TGDS: variants seen among roughly 807,000 people sequenced by gnomAD.
TGDS encodes UDP-D-glucose 4,6-dehydratase.
A neutral mutation model predicts 52.3 loss-of-function variants in TGDS; 47 were observed. That is an observed-to-expected ratio of 0.90 (90% confidence interval 0.71 to 1.15). TGDS has a LOEUF of 1.15. Ranked by LOEUF, TGDS falls within the 50% of genes most tolerant of loss-of-function variation. The probability of loss-of-function intolerance (pLI) is 0.00; values close to 1 mark genes in which losing one functional copy is unlikely to be tolerated. For synonymous variants in TGDS, 115 were observed against 136.9 expected (o/e 0.84, Z 1.12); for missense variants, 375 against 418.4 (o/e 0.90, Z 0.90).
intron 11 of TGDS, 71 bp downstream of exon 11, chr13:94,576,243 G>C: frequency 1.9e-6 from 2 of 1,069,128 alleles, no homozygotes; most frequent in Non-Finnish European, 1.4e-6. Flanking sequence ...TTTGTATAAT[G>C]TTCTGGAAAT....
intron 4 of TGDS, among the ~76,000 whole-genome samples, chr13:94,584,064 T>C (rs1888894688): frequency 6.6e-6 from 1 of 152,192 alleles, no homozygotes; most frequent in Admixed American, 6.5e-5. Context: ...TTGAGGCTGT[T>C]AGGCAAAAGA....
chr13:94,596,096 C>G lies in TGDS; in HGVS notation c.41G>C (p.Gly14Ala). Residue 14 changes from glycine to alanine, a missense_variant, in exon 1 of 12, where the codon GGC becomes GCC. Transcript: ENST00000261296. Reference sequence around the variant, plus strand: ...CACCAGGACCCGCTTCGCAAAGCCGCCGGGAAGACCCCACGGTTCCTCCCA... The same window carrying G: ...CACCAGGACCCGCTTCGCAAAGCCGGCGGGAAGACCCCACGGTTCCTCCCA... ...ACWEEPWGLP[G>A]GFAKRVLVTG... 6.2e-7 allele frequency: 1 copy of G among 1,614,170 alleles called. No individual in the cohort carries two copies. Among genetic ancestry groups the G allele is most frequent in the Non-Finnish European group, 8.5e-7 (1 of 1,180,020 alleles).
At position 94,593,922 on chromosome 13, in the gene TGDS, T is replaced by C. The variant is rs769097301; in HGVS notation, c.87-15A>G. 6.6e-7 allele frequency: 1 copy of C among 1,508,334 alleles called. No individual in the cohort carries two copies. The highest frequency in any genetic ancestry group is 9.0e-7 in the Non-Finnish European group (1 of 1,110,994). The allele number at this position is 1,508,334 out of a possible 1,614,324, so 93.4% of individuals were successfully genotyped here. A position where few individuals can be genotyped will look rare whatever the true frequency, so the allele number is the denominator to read the frequency against. On this transcript the variant is annotated splice_polypyrimidine_tract_variant and intron_variant, in intron 1 of 11. Transcript: ENST00000261296. ...TATGTGATGCACTATGGAAAAAAAG[T>C]ATATCTTGTTAGTGAAAAACTTTAA...
At chr13:94,582,191 T>G (rs577081749) in intron 5 of TGDS, among the ~76,000 whole-genome samples, 3 of 136,256 alleles carry the variant, frequency 2.2e-5, no homozygotes, top group Non-Finnish European at 4.7e-5. Flanking sequence ...AGAGCGAAAC[T>G]CCCATCTCAA....
intron 2 of TGDS, among the ~76,000 whole-genome samples, chr13:94,592,602 G>T (rs919328594): frequency 6.6e-6 from 1 of 151,908 alleles, no homozygotes; most frequent in African/African-American, 2.4e-5. Context: ...ACAGGCACCC[G>T]CCACCATGGA....
At position 94,582,319 on chromosome 13, in the gene TGDS, A is replaced by C. The variant is rs9524542; in HGVS notation, c.456+775T>G. On this transcript the variant is annotated intron_variant, in intron 5 of 11. Transcript: ENST00000261296. ...CAGGTAGTATGCTGCAGCCTAACTT[A>C]TGCTTTGGTCCATGGAATGACATTC... is the stretch of plus-strand genomic sequence containing the variant. 8.4e-3 allele frequency among the ~76,000 whole-genome samples: 1,286 copies of C among 152,302 alleles called. 5 individuals carry two copies. Among genetic ancestry groups the C allele is most frequent in the Non-Finnish European group, 0.012 (814 of 68,026 alleles).
intron 5 of TGDS, among the ~76,000 whole-genome samples, chr13:94,582,607 T>C (rs1439243267): frequency 6.6e-6 from 1 of 152,216 alleles, no homozygotes; most frequent in Non-Finnish European, 1.5e-5. Context: ...TAGGTGTGTC[T>C]GTGAGGGTGT....
At chr13:94,576,287 C>T in intron 11 of TGDS, 27 bp downstream of exon 11, 1 of 1,491,998 alleles carries the variant, frequency 6.7e-7, no homozygotes, top group East Asian at 2.4e-5. Context: ...TCTGACTTGC[C>T]CCCAAAATGA....
intron 10 of TGDS, 71 bp from the exon 11 acceptor site, chr13:94,576,482 G>T: frequency 9.5e-7 from 1 of 1,054,980 alleles, no homozygotes; most frequent in Non-Finnish European, 1.3e-6. Context: ...TAGGAGATAT[G>T]TGTTTATGCA....
rs765041586 is a variant in TGDS, at chr13:94,577,503, G to A, written c.826-74C>T. 60 of 1,251,550 alleles carry A rather than the reference G, an allele frequency of 4.8e-5. No homozygotes were observed. In the Admixed American group the frequency reaches 7.6e-4, roughly 16 times the overall value. The allele number at this position is 1,251,550 out of a possible 1,614,324, so 77.5% of individuals were successfully genotyped here. The stretch of plus-strand genomic sequence containing the variant: ...AGAATAACAATAGTATTTAATGGCT[G>A]ATTAAAAAGAAAACAACTGCCTCAT... On this transcript the variant is annotated intron_variant, in intron 9 of 11. Transcript: ENST00000261296.
At position 94,581,093 on chromosome 13, in the gene TGDS, T is replaced by C; in HGVS notation, c.553A>G (p.Lys185Glu). The C allele has an allele frequency of 1.3e-6, 2 of 1,530,500 alleles. No individual in the cohort carries two copies. The highest frequency in any genetic ancestry group is 1.8e-6 in the Non-Finnish European group (2 of 1,129,984). The allele number at this position is 1,530,500 out of a possible 1,614,324, so 94.8% of individuals were successfully genotyped here. A position where few individuals can be genotyped will look rare whatever the true frequency, so the allele number is the denominator to read the frequency against. The change falls in exon 6 of 12, where the codon AAG becomes GAG. Residue 185 changes from lysine to glutamate, a missense_variant and splice_region_variant. Physicochemically the swap from Lys to Glu is moderately conservative, Grantham distance 56 (BLOSUM62 1). Coordinates refer to ENST00000261296, the MANE Select transcript of TGDS (RefSeq NM_014305.4). ...GAGTTTCTGCAATCAGTTCTTACCT[T>C]ATATTGTTCCCAGTAAGACTGTACA... The part of the protein sequence containing the change: ...CFVQSYWEQY[K>E]FPVVITRSSN...
intron 2 of TGDS, among the ~76,000 whole-genome samples, 164 bp downstream of exon 2, chr13:94,593,677 A>T (rs989570197): frequency 6.6e-6 from 1 of 152,220 alleles, no homozygotes; most frequent in Non-Finnish European, 1.5e-5. Flanking sequence ...AAACTTTTAT[A>T]TAAGATTAAA....
At chr13:94,586,802 G>A (rs936465528) in intron 4 of TGDS, among the ~76,000 whole-genome samples, 12 of 138,066 alleles carry the variant, frequency 8.7e-5, no homozygotes, top group African/African-American at 3.2e-4. Context: ...TCTATTGCCC[G>A]GGCTGGAGTG....
chr13:94,589,646 A>G (rs1257873035), intron 4 of TGDS, among the ~76,000 whole-genome samples: 1 of 152,216 alleles, frequency 6.6e-6, no homozygotes, highest in Non-Finnish European at 1.5e-5. Context: ...AGCATTTCAT[A>G]AAGGAGAAAT....
chr13:94,578,805 G>A, intron 7 of TGDS, 32 bp from the exon 8 acceptor site: 1 of 1,334,374 alleles, frequency 7.5e-7, no homozygotes, highest in Non-Finnish European at 1.1e-6. Context: ...ATTTCAGACT[G>A]GATATTTACT....
intron 4 of TGDS, 73 bp from the exon 5 acceptor site, chr13:94,583,309 GT>G: frequency 1.3e-6 from 2 of 1,505,832 alleles, no homozygotes; most frequent in South Asian, 2.6e-5. Context: ...ATGGACTCAG[GT>G]TTAAGGAGAG....
chr13:94,583,335 C>T lies in TGDS; in HGVS notation c.314-99G>A, dbSNP rs182781922. The T allele has an allele frequency of 1.8e-5, 22 of 1,205,986 alleles. No homozygotes were observed. In the African/African-American group the frequency reaches 2.9e-4, roughly 16 times the overall value. 74.7% of individuals were successfully genotyped at this position (1,205,986 alleles called of 1,614,324 possible). A position where few individuals can be genotyped will look rare whatever the true frequency, so the allele number is the denominator to read the frequency against. On this transcript the variant is annotated intron_variant, in intron 4 of 11. Transcript: ENST00000261296. ...TTTAAGGAGAGTACTAGTCACTGTTCTTCATTTACCACAGCTGCAAGAGTT... is the reference window on the plus strand; with the variant it reads ...TTTAAGGAGAGTACTAGTCACTGTTTTTCATTTACCACAGCTGCAAGAGTT...
intron 5 of TGDS, among the ~76,000 whole-genome samples, chr13:94,582,482 C>T (rs1888832072): frequency 6.6e-6 from 1 of 152,190 alleles, no homozygotes; most frequent in African/African-American, 2.4e-5. Flanking sequence ...GGCTGTTGTT[C>T]CCCATTTGGG....
chr13:94,578,175 A>C lies in TGDS; in HGVS notation c.660-5T>G. 6.2e-7 allele frequency: 1 copy of C among 1,612,998 alleles called. No homozygotes were observed. Among genetic ancestry groups the C allele is most frequent in the Non-Finnish European group, 8.5e-7 (1 of 1,179,566 alleles). Reference sequence around the variant, plus strand: ...AGCCCTGACCCATGAATGCAACTAAAGAGATTAAACGAAGTGAAATCATAA... The same window carrying C: ...AGCCCTGACCCATGAATGCAACTAACGAGATTAAACGAAGTGAAATCATAA... On this transcript the variant is annotated splice_polypyrimidine_tract_variant and splice_region_variant and intron_variant, in intron 8 of 11. Coordinates refer to ENST00000261296, the MANE Select transcript of TGDS (RefSeq NM_014305.4).
Sources: gnomAD v4.1 joint callset for allele counts (sites outside exome capture counted in the v4.1 genomes callset) on GRCh38, gnomAD v4.1.1 for gene constraint, MANE v1.5 for transcripts, NCBI Gene and HGNC (gene_info 2026-07-23, HGNC 2026-07-21) for gene names.